Variants in PLPP1 observed in about 807,000 individuals in gnomAD.
PLPP1 encodes phospholipid phosphatase 1.
In PLPP1, 24 loss-of-function variants were observed where a neutral mutation model predicts 31.2. The ratio of observed to expected loss-of-function variants is 0.77; its 90% CI spans 0.56 to 1.08. The LOEUF (loss-of-function observed/expected upper bound fraction) is 1.08. Ranked by LOEUF, PLPP1 falls within the 50% of genes least tolerant of loss-of-function variation. PLPP1 has a pLI of 0.00. For synonymous variants in PLPP1, 146 were observed against 126.3 expected, an observed-to-expected ratio of 1.16 and a Z score of -1.05; for missense variants, 319 against 342.7, an observed-to-expected ratio of 0.93 and a Z score of 0.55.
Position 55,480,311 on chromosome 5 carries a change from A to G in PLPP1, c.59-4861T>C, listed in dbSNP as rs187413409. Among the ~76,000 whole-genome samples, 202 of 152,088 alleles carry G rather than the reference A, an allele frequency of 1.3e-3. 2 individuals carry two copies. In the Middle Eastern group the frequency reaches 0.024, roughly 18 times the overall value. On this transcript the variant is annotated intron_variant, in intron 1 of 5. Coordinates refer to ENST00000307259, the MANE Select transcript of PLPP1 (RefSeq NM_003711.4). ...TAAATTGAGGTATAATTTACATACC[A>G]TAACATTCATCCATTCTAAGTATAC...
chr5:55,518,008 A>C (rs1375509072), intron 1 of PLPP1, among the ~76,000 whole-genome samples: 1 of 152,042 alleles, frequency 6.6e-6, no homozygotes, highest in African/African-American at 2.4e-5. Flanking sequence ...CACCACACCC[A>C]GCTAATTTTG....
chr5:55,517,142 T>C (rs1753570187), intron 1 of PLPP1, among the ~76,000 whole-genome samples: 1 of 152,214 alleles, frequency 6.6e-6, no homozygotes, highest in Admixed American at 6.5e-5. Flanking sequence ...ACAACTTTAA[T>C]TTACAAAATA....
At chr5:55,534,218 G>A (rs1407115264) in intron 1 of PLPP1, among the ~76,000 whole-genome samples, 2 of 152,222 alleles carry the variant, frequency 1.3e-5, no homozygotes, top group Non-Finnish European at 2.9e-5. Flanking sequence ...TTTCACTACT[G>A]AGATGGGCCA....
Position 55,489,025 on chromosome 5 carries a change from C to T in PLPP1, c.59-13575G>A, listed in dbSNP as rs143701475. The stretch of plus-strand genomic sequence containing the variant: ...CCTGGCCAACATGAAGAAACCCCAT[C>T]TCTACTAAAAAAAAATACAAAAATT... On this transcript the variant is annotated intron_variant, in intron 1 of 5. Coordinates refer to ENST00000307259, the MANE Select transcript of PLPP1 (RefSeq NM_003711.4). 8.9e-3 allele frequency among the ~76,000 whole-genome samples: 1,359 copies of T among 152,020 alleles called. 12 individuals carry two copies. Among genetic ancestry groups the T allele is most frequent in the Non-Finnish European group, 0.015 (1,044 of 67,988 alleles).
chr5:55,475,368 G>A lies in PLPP1; in HGVS notation c.141C>T (p.Tyr47=). 1 of 1,612,132 alleles carries A rather than the reference G, an allele frequency of 6.2e-7. No homozygotes were observed. Among genetic ancestry groups the A allele is most frequent in the Non-Finnish European group, 8.5e-7 (1 of 1,178,468 alleles). The change falls in exon 2 of 6, where the codon TAC becomes TAT. Residue 47 remains tyrosine, a synonymous_variant. Coordinates refer to ENST00000307259, the MANE Select transcript of PLPP1 (RefSeq NM_003711.4). ...GVFCNDESIK[Y]PYKEDTIPYA... is the part of the protein sequence containing the mutation. ...AAGGTATGGTGTCTTCTTTGTAAGG[G>A]TACTTGATGGACTCATCATTACAGA...
chr5:55,501,294 C>T (rs1753139126), intron 1 of PLPP1, among the ~76,000 whole-genome samples: 1 of 151,936 alleles, frequency 6.6e-6, no homozygotes, highest in Non-Finnish European at 1.5e-5. Context: ...GCCTGGACAA[C>T]AAAAGCAAGA....
chr5:55,497,664 A>C (rs1243948416), intron 1 of PLPP1, among the ~76,000 whole-genome samples: 1 of 152,180 alleles, frequency 6.6e-6, no homozygotes, highest in Non-Finnish European at 1.5e-5. Context: ...TCAGGATCCC[A>C]GCAGGAAACA....
chr5:55,494,978 A>C (rs1752974296), intron 1 of PLPP1, among the ~76,000 whole-genome samples: 1 of 150,772 alleles, frequency 6.6e-6, no homozygotes, highest in Non-Finnish European at 1.5e-5. Context: ...AAAAAAAAAA[A>C]AAAATAGCCG....
intron 1 of PLPP1, among the ~76,000 whole-genome samples, chr5:55,476,553 G>A (rs145049609): frequency 3.9e-5 from 6 of 152,122 alleles, no homozygotes; most frequent in Non-Finnish European, 7.4e-5. Context: ...TGTAAGAGAT[G>A]CAGGTTAGCA....
chr5:55,486,582 T>C (rs1227713910), intron 1 of PLPP1, among the ~76,000 whole-genome samples: 2 of 149,304 alleles, frequency 1.3e-5, no homozygotes, highest in Non-Finnish European at 3.0e-5. Context: ...CCAGACTCCA[T>C]CTCAAAAAAT....
intron 1 of PLPP1, among the ~76,000 whole-genome samples, chr5:55,491,990 G>A (rs914193670): frequency 3.3e-5 from 5 of 151,656 alleles, no homozygotes; most frequent in East Asian, 1.9e-4. Context: ...ACAAACACCC[G>A]GTTTTATTAG....
At chr5:55,512,567 A>G (rs1244383951) in intron 1 of PLPP1, among the ~76,000 whole-genome samples, 1 of 149,724 alleles carries the variant, frequency 6.7e-6, no homozygotes, top group African/African-American at 2.5e-5. Context: ...AAAGAAAGAA[A>G]GAAAGAAAGG....
chr5:55,521,629 G>C (rs747307235), intron 1 of PLPP1, among the ~76,000 whole-genome samples: 1 of 152,156 alleles, frequency 6.6e-6, no homozygotes, highest in African/African-American at 2.4e-5. Context: ...CTCATTCTTA[G>C]TAATCTCAGT....
chr5:55,528,751 T>G (rs1402287441), intron 1 of PLPP1, among the ~76,000 whole-genome samples: 1 of 152,184 alleles, frequency 6.6e-6, no homozygotes, highest in African/African-American at 2.4e-5. Context: ...TTATACAATA[T>G]ATGTATATAT....
At chr5:55,487,075 T>C (rs1260188353) in intron 1 of PLPP1, among the ~76,000 whole-genome samples, 2 of 152,202 alleles carry the variant, frequency 1.3e-5, no homozygotes, top group Non-Finnish European at 2.9e-5. Flanking sequence ...TAAAAGGTTA[T>C]GCCATACAGT....
At chr5:55,498,294 G>A (rs1001947935) in intron 1 of PLPP1, among the ~76,000 whole-genome samples, 8 of 151,908 alleles carry the variant, frequency 5.3e-5, no homozygotes, top group African/African-American at 1.7e-4. Flanking sequence ...AGATGTTAAG[G>A]GCCTGAAACA....
intron 1 of PLPP1, among the ~76,000 whole-genome samples, chr5:55,490,311 C>T (rs1431703275): frequency 4.6e-5 from 7 of 151,796 alleles, no homozygotes; most frequent in South Asian, 2.1e-4. Flanking sequence ...CCACCACGCC[C>T]GGCTAATTCT....
At chr5:55,458,757 G>A (rs1024750384) in intron 3 of PLPP1, among the ~76,000 whole-genome samples, 27 of 151,636 alleles carry the variant, frequency 1.8e-4, no homozygotes, top group African/African-American at 4.8e-4. Context: ...GCGTGGTGGC[G>A]CATGCCTGTA....
intron 2 of PLPP1, among the ~76,000 whole-genome samples, chr5:55,468,750 C>G (rs937616361): frequency 6.6e-6 from 1 of 152,088 alleles, no homozygotes; most frequent in African/African-American, 2.4e-5. Context: ...TTGCAGTGAG[C>G]CGAGATCATG....
Sources: gnomAD v4.1 joint callset for allele counts (sites outside exome capture counted in the v4.1 genomes callset) on GRCh38, gnomAD v4.1.1 for gene constraint, MANE v1.5 for transcripts, NCBI Gene and HGNC (gene_info 2026-07-23, HGNC 2026-07-21) for gene names.